Variants in PRKACB observed in about 807,000 individuals in gnomAD.
PRKACB encodes protein kinase cAMP-activated catalytic subunit beta, also known as cAMP-dependent protein kinase catalytic subunit beta.
A neutral mutation model predicts 51.4 loss-of-function variants in PRKACB; 16 were observed. That is an observed-to-expected ratio of 0.31 (90% confidence interval 0.21 to 0.47). The LOEUF (loss-of-function observed/expected upper bound fraction) is 0.47, where lower values mean the gene tolerates loss of function less well. PRKACB is among the 20% of genes least tolerant of loss of function. The pLI, the probability that PRKACB is intolerant of heterozygous loss-of-function variation, is 1.00. For missense variants in PRKACB, 309 were observed against 464.5 expected (o/e 0.67, Z 3.08); for synonymous variants, 147 against 154.4 (o/e 0.95, Z 0.35).
At chr1:84,222,778 A>G (rs913538778) in intron 9 of PRKACB, among the ~76,000 whole-genome samples, 3 of 152,116 alleles carry the variant, frequency 2.0e-5, no homozygotes, top group Non-Finnish European at 4.4e-5. Flanking sequence ...TGGTTAGTCT[A>G]GTAGTTTATC....
At chr1:84,180,187 T>TATATAG (rs1662846358) in intron 2 of PRKACB, among the ~76,000 whole-genome samples, 1 of 98,468 alleles carries the variant, frequency 1.0e-5, no homozygotes, top group African/African-American at 3.5e-5. Context: ...AACTGTGATA[T>TATATAG]ATATATATAT....
At chr1:84,115,595 T>G (rs868752447) in intron 1 of PRKACB, among the ~76,000 whole-genome samples, 1 of 151,916 alleles carries the variant, frequency 6.6e-6, no homozygotes, top group South Asian at 2.1e-4. Context: ...GTAAATTCTT[T>G]GCCTAGGCCA....
Position 84,128,115 on chromosome 1 carries a change from TCTC to T in PRKACB, c.46+49747_46+49749del, listed in dbSNP as rs1651813373. On this transcript the variant is annotated intron_variant, in intron 1 of 8. Coordinates refer to the PRKACB transcript ENST00000370688. ...CCTTCACCTCCCAGGTCCAAGCAAT[TCTC>T]CTGCCTCAGCTTCCTGAGTAGCTGG... Among the ~76,000 whole-genome samples the T allele has an allele frequency of 2.0e-5, 3 of 151,070 alleles. No individual in the cohort carries two copies. The South Asian group carries it at 6.3e-4, about 32-fold the overall frequency.
At chr1:84,094,684 C>T (rs1557918423) in intron 1 of PRKACB, among the ~76,000 whole-genome samples, 1 of 151,884 alleles carries the variant, frequency 6.6e-6, no homozygotes, top group Non-Finnish European at 1.5e-5. Context: ...GTCTATTCTG[C>T]TTTCGTTGCC....
chr1:84,183,310 A>C (rs1414476846), intron 3 of PRKACB, among the ~76,000 whole-genome samples: 3 of 152,018 alleles, frequency 2.0e-5, no homozygotes, highest in Non-Finnish European at 2.9e-5. Flanking sequence ...AAGATAAATT[A>C]CTTTCCCCTT....
intron 9 of PRKACB, among the ~76,000 whole-genome samples, chr1:84,231,345 G>A (rs1324860123): frequency 6.6e-6 from 1 of 152,150 alleles, no homozygotes; most frequent in Non-Finnish European, 1.5e-5. Context: ...GAGGATTTTT[G>A]CATCAATGTT....
chr1:84,115,325 C>T (rs951629451), intron 1 of PRKACB, among the ~76,000 whole-genome samples: 4 of 151,790 alleles, frequency 2.6e-5, no homozygotes, highest in Non-Finnish European at 5.9e-5. Context: ...TGGCTGTCTT[C>T]TTTTGCAAAA....
At chr1:84,087,366 CTT>C (rs66516954) in intron 1 of PRKACB, among the ~76,000 whole-genome samples, 10,278 of 152,234 alleles carry the variant, frequency 0.068, 390 homozygotes, top group Middle Eastern at 0.11. Flanking sequence ...TTCTTCCAAA[CTT>C]ATAAAAGCTA....
In PRKACB at chr1:84,135,341, A is replaced by G. The variant is rs189059262; in HGVS notation, c.47-43836A>G. ...TCCACTATTATAGTTGAAGACTTCA[A>G]CACTCTTCTTTCAATAATTGATATA... On this transcript the variant is annotated intron_variant, in intron 1 of 8. Transcript: ENST00000370688. Among the ~76,000 whole-genome samples the G allele has an allele frequency of 6.8e-4, 103 of 152,332 alleles. No individual in the cohort carries two copies. In the South Asian group the frequency reaches 0.013, roughly 20 times the overall value.
Position 84,117,277 on chromosome 1 carries a change from C to G in PRKACB, c.46+38906C>G, listed in dbSNP as rs72938467. On this transcript the variant is annotated intron_variant, in intron 1 of 8. Transcript: ENST00000370688. ...TGACCTGTAGTTTTCTTTTTTTGTT[C>G]TTTGTCAGGTTTTGGTATCAGATTG... Among the ~76,000 whole-genome samples, 1,338 of 151,634 alleles carry G rather than the reference C, an allele frequency of 8.8e-3. 20 individuals carry two copies. The highest frequency in any genetic ancestry group is 0.03 in the African/African-American group (1,231 of 41,404).
chr1:84,226,274 G>GTTTTTTTT (rs887099141), intron 9 of PRKACB, among the ~76,000 whole-genome samples: 1 of 18,450 alleles, frequency 5.4e-5, no homozygotes, highest in Non-Finnish European at 5.2e-4. Flanking sequence ...TGGGTTTTTT[G>GTTTTTTTT]TTTTTTTTTT....
intron 1 of PRKACB, among the ~76,000 whole-genome samples, chr1:84,130,189 C>CAAAAAAA (rs71097833): frequency 1.6e-4 from 9 of 56,170 alleles, no homozygotes; most frequent in African/African-American, 4.3e-4. Context: ...GACTCCGTCT[C>CAAAAAAA]AAAAAAAAAA....
intron 1 of PRKACB, among the ~76,000 whole-genome samples, chr1:84,089,804 TCTC>T (rs1022301202): frequency 6.6e-6 from 1 of 152,184 alleles, no homozygotes; most frequent in Non-Finnish European, 1.5e-5. Context: ...CACAATTTCC[TCTC>T]CTTTTTGCTT....
chr1:84,168,376 A>G (rs1213168715), intron 1 of PRKACB, among the ~76,000 whole-genome samples: 2 of 151,578 alleles, frequency 1.3e-5, no homozygotes, highest in African/African-American at 2.4e-5. Context: ...TTCAAAGTTT[A>G]TGTGCTCTCC....
intron 1 of PRKACB, among the ~76,000 whole-genome samples, chr1:84,081,174 T>C (rs1647502132): frequency 1.3e-5 from 2 of 152,198 alleles, no homozygotes; most frequent in African/African-American, 4.8e-5. Context: ...CCAGAGCTTA[T>C]TTCTAAAAAT....
chr1:84,126,773 G>C (rs1651655373), intron 1 of PRKACB, among the ~76,000 whole-genome samples: 1 of 151,796 alleles, frequency 6.6e-6, no homozygotes, highest in Admixed American at 6.6e-5. Flanking sequence ...ACATGCTCAA[G>C]CCAAAAAAAG....
At chr1:84,085,120 A>G (rs1647859504) in intron 1 of PRKACB, among the ~76,000 whole-genome samples, 1 of 152,218 alleles carries the variant, frequency 6.6e-6, no homozygotes, top group African/African-American at 2.4e-5. Flanking sequence ...TAAGGAAACA[A>G]AGTAATTTAA....
At chr1:84,080,342 A>T (rs1192880727) in intron 1 of PRKACB, among the ~76,000 whole-genome samples, 1 of 152,234 alleles carries the variant, frequency 6.6e-6, no homozygotes, top group African/African-American at 2.4e-5. Flanking sequence ...TTAAATGTTT[A>T]TCTGAACATA....
chr1:84,157,487 C>G (rs1655651896), intron 1 of PRKACB: 1 of 151,954 alleles, frequency 6.6e-6, no homozygotes, highest in African/African-American at 2.4e-5. Context: ...TTTGCGCAAC[C>G]ATCAGCACAA....
Sources: allele counts gnomAD v4.1 joint callset (sites outside exome capture counted in the v4.1 genomes callset), GRCh38; gene constraint gnomAD v4.1.1; transcripts MANE v1.5; gene names NCBI Gene and HGNC (gene_info 2026-07-23, HGNC 2026-07-21).